Variants in CLIC5 observed in about 807,000 individuals in gnomAD.
The protein encoded by CLIC5 is CLIC family member 5.
A neutral mutation model predicts 24.7 loss-of-function variants in CLIC5; 20 were observed. The ratio of observed to expected loss-of-function variants is 0.81; its 90% CI spans 0.57 to 1.18. The LOEUF (loss-of-function observed/expected upper bound fraction) is 1.18, where lower values mean the gene tolerates loss of function less well. CLIC5 is among the 50% of genes most tolerant of loss of function. The pLI is 0.00. For missense variants in CLIC5, 341 were observed against 326.1 expected (o/e 1.05, Z -0.35); for synonymous variants, 159 against 135.6 (o/e 1.17, Z -1.20).
At chr6:45,997,989 G>A (rs1581842563) in intron 1 of CLIC5, among the ~76,000 whole-genome samples, 2 of 152,242 alleles carry the variant, frequency 1.3e-5, no homozygotes, top group Admixed American at 1.3e-4. Flanking sequence ...GATCAAGGGT[G>A]TAGGGGAGTC....
the CLIC5 span, among the ~76,000 whole-genome samples, chr6:46,126,625 GATTC>G: frequency 6.6e-6 from 1 of 152,142 alleles, no homozygotes; most frequent in Non-Finnish European, 1.5e-5. Context: ...AAAATGCAAT[GATTC>G]ATAAGGTCCT....
chr6:45,992,552 C>A (rs896990219), intron 1 of CLIC5, among the ~76,000 whole-genome samples: 1 of 152,170 alleles, frequency 6.6e-6, no homozygotes, highest in Non-Finnish European at 1.5e-5. Flanking sequence ...CCTGGGTAAA[C>A]TACATAGCGT....
intron 1 of CLIC5, among the ~76,000 whole-genome samples, chr6:45,977,499 G>A (rs540116603): frequency 1.3e-5 from 2 of 152,088 alleles, no homozygotes; most frequent in South Asian, 4.2e-4. Context: ...TATTTCTTTG[G>A]CCCTTTTGAG....
At chr6:46,011,161 T>A (rs539695710) in intron 1 of CLIC5, among the ~76,000 whole-genome samples, 1 of 152,370 alleles carries the variant, frequency 6.6e-6, no homozygotes, top group East Asian at 1.9e-4. Flanking sequence ...ATTCTTTGAC[T>A]AGACCAACCC....
chr6:46,057,421 G>A (rs1178394901), intron 1 of CLIC5, among the ~76,000 whole-genome samples: 1 of 152,220 alleles, frequency 6.6e-6, no homozygotes, highest in Non-Finnish European at 1.5e-5. Context: ...CCCCAGCCAT[G>A]TGGAACTGTA....
intron 1 of CLIC5, among the ~76,000 whole-genome samples, chr6:46,043,813 C>G (rs1018197342): frequency 1.3e-5 from 2 of 152,172 alleles, no homozygotes; most frequent in Non-Finnish European, 2.9e-5. Context: ...AGGTGGTGCT[C>G]TACACTGAGG....
upstream of CLIC5, among the ~76,000 whole-genome samples, chr6:46,082,809 C>G (rs575960827): frequency 2.7e-3 from 418 of 152,260 alleles, no homozygotes; most frequent in African/African-American, 8.9e-3. Flanking sequence ...ACTTTCCCCC[C>G]CTTTTCCATA....
intron 1 of CLIC5, among the ~76,000 whole-genome samples, chr6:46,024,143 C>T (rs187393332): frequency 4.6e-5 from 7 of 152,276 alleles, no homozygotes; most frequent in African/African-American, 1.2e-4. Context: ...CAAACACCCA[C>T]GATCACACAA....
At chr6:45,944,502 C>G (rs1310511173) in intron 3 of CLIC5, among the ~76,000 whole-genome samples, 1 of 132,454 alleles carries the variant, frequency 7.5e-6, no homozygotes, top group Non-Finnish European at 1.5e-5. Flanking sequence ...ATTTCAAATG[C>G]ATGCACTTAA....
intron 1 of CLIC5, among the ~76,000 whole-genome samples, chr6:45,981,611 C>T (rs1036569952): frequency 6.6e-6 from 1 of 152,144 alleles, no homozygotes; most frequent in Admixed American, 6.5e-5. Context: ...GGGGGCCAGG[C>T]CTAGGTGGGA....
intron 3 of CLIC5, among the ~76,000 whole-genome samples, chr6:45,944,493 T>C (rs1309292589): frequency 6.7e-6 from 1 of 149,036 alleles, no homozygotes; most frequent in African/African-American, 2.5e-5. Flanking sequence ...GGATATCTTA[T>C]TTCAAATGCA....
chr6:46,017,546 A>T (rs1412626910), upstream of CLIC5, among the ~76,000 whole-genome samples: 1 of 152,226 alleles, frequency 6.6e-6, no homozygotes, highest in Non-Finnish European at 1.5e-5. Flanking sequence ...ACTGCTCTAC[A>T]AACTGCTTTT....
At chr6:45,921,122 G>GT (rs1763242077) in intron 4 of CLIC5, among the ~76,000 whole-genome samples, 1 of 152,176 alleles carries the variant, frequency 6.6e-6, no homozygotes. Flanking sequence ...GGAAACTGGG[G>GT]TTTTCTCATC....
At chr6:45,942,325 A>C (rs1764162499) in intron 3 of CLIC5, among the ~76,000 whole-genome samples, 4 of 152,180 alleles carry the variant, frequency 2.6e-5, no homozygotes, top group Admixed American at 2.0e-4. Flanking sequence ...TCTTTCGTAG[A>C]GTCTTTCATT....
rs1764720329 is a variant in CLIC5, at chr6:45,958,425, TA to T, written c.64-3182del. ...CAGGGAAGTGTCAAAAAGACAATTATATATATATATATATATATATATATAT... is the reference window on the plus strand; with the variant it reads ...CAGGGAAGTGTCAAAAAGACAATTATTATATATATATATATATATATATAT... On this transcript the variant is annotated intron_variant, in intron 1 of 5. Coordinates refer to ENST00000339561, the MANE Select transcript of CLIC5 (RefSeq NM_016929.5). Among the ~76,000 whole-genome samples, 10 of 5,110 alleles carry T rather than the reference TA, an allele frequency of 2.0e-3. 2 individuals are homozygous for T. Among genetic ancestry groups the T allele is most frequent in the African/African-American group, 3.5e-3 (9 of 2,604 alleles). 3.4% of individuals were successfully genotyped at this position (5,110 alleles called of 152,430 possible). A position where few individuals can be genotyped will look rare whatever the true frequency, so the allele number is the denominator to read the frequency against.
intron 1 of CLIC5, among the ~76,000 whole-genome samples, chr6:46,027,513 A>G (rs1463176026): frequency 1.3e-5 from 2 of 152,236 alleles, no homozygotes; most frequent in African/African-American, 2.4e-5. Flanking sequence ...GTTTCAATAC[A>G]TCGTTGGAGA....
chr6:46,071,205 CA>C (rs1762585876), intron 1 of CLIC5, among the ~76,000 whole-genome samples: 1 of 152,004 alleles, frequency 6.6e-6, no homozygotes, highest in Non-Finnish European at 1.5e-5. Flanking sequence ...TCAGTTGAAA[CA>C]AAAGCAAAAA....
intron 1 of CLIC5, among the ~76,000 whole-genome samples, chr6:46,006,027 T>C (rs1468619142): frequency 7.1e-6 from 1 of 141,706 alleles, no homozygotes; most frequent in Non-Finnish European, 1.5e-5. Context: ...CACACATGTA[T>C]AAATATATAT....
chr6:46,013,165 A>T (rs921134735), intron 1 of CLIC5, among the ~76,000 whole-genome samples: 1 of 152,210 alleles, frequency 6.6e-6, no homozygotes, highest in Non-Finnish European at 1.5e-5. Context: ...CATGACTATA[A>T]CTGGGTGGGA....
Sources: gnomAD v4.1 joint callset for allele counts (sites outside exome capture counted in the v4.1 genomes callset) on GRCh38, gnomAD v4.1.1 for gene constraint, MANE v1.5 for transcripts, NCBI Gene and HGNC (gene_info 2026-07-23, HGNC 2026-07-21) for gene names.